The following HSPA9 variants were observed in gnomAD, a reference collection of about 807,000 sequenced individuals.
HSPA9 encodes stress-70 protein, mitochondrial.
A neutral mutation model predicts 81.5 loss-of-function variants in HSPA9; 28 were observed. The ratio of observed to expected loss-of-function variants is 0.34; its 90% confidence interval spans 0.25 to 0.47. The LOEUF is 0.47. Among genes scored for constraint, HSPA9 ranks in the 20% least tolerant of loss-of-function variants. The pLI, the probability that HSPA9 is intolerant of heterozygous loss-of-function variation, is 1.00. For missense variants in HSPA9, 678 were observed against 838.0 expected (o/e 0.81, Z 2.36); for synonymous variants, 293 against 290.4 (o/e 1.01, Z -0.09).
intron 3 of HSPA9, among the ~76,000 whole-genome samples, chr5:138,571,989 C>T (rs1319723555): frequency 1.1e-5 from 1 of 92,020 alleles, no homozygotes; most frequent in Non-Finnish European, 2.0e-5. Context: ...GACAGAGTCT[C>T]ACTGTCACCT....
chr5:138,567,572 CAA>C lies in HSPA9; in HGVS notation c.610-13_610-12del, dbSNP rs1750792878. ...AGCATCTTTAGTGGCCTAGAGAAAA[CAA>C]AGAGAAAAACATTTTTGTACCCTTC... On this transcript the variant is annotated splice_polypyrimidine_tract_variant and intron_variant, in intron 6 of 16. Transcript: ENST00000297185. 1 of 1,613,090 alleles carries C rather than the reference CAA, an allele frequency of 6.2e-7. No homozygotes were observed. Among genetic ancestry groups the C allele is most frequent in the South Asian group, 1.1e-5 (1 of 91,082 alleles).
intron 3 of HSPA9, among the ~76,000 whole-genome samples, 179 bp downstream of exon 3, chr5:138,573,583 GT>G (rs1318219846): frequency 2.9e-5 from 4 of 139,564 alleles, no homozygotes; most frequent in African/African-American, 1.1e-4. Context: ...GGAGGCAGAG[GT>G]TGCAGTGAGC....
Position 138,561,572 on chromosome 5 carries a change from G to C in HSPA9, c.1182+8C>G. ...CTCTCTCCACGACAGAATTCCACTG[G>C]TCCATACCTTGGGCATCCTAGTCAT... On this transcript the variant is annotated splice_region_variant and intron_variant, in intron 10 of 16. Coordinates refer to ENST00000297185, the MANE Select transcript of HSPA9 (RefSeq NM_004134.7). The C allele has an allele frequency of 6.2e-7, 1 of 1,609,350 alleles. No homozygotes were observed.
chr5:138,556,710 T>TA, intron 15 of HSPA9, 64 bp downstream of exon 15: 1 of 1,560,306 alleles, frequency 6.4e-7, no homozygotes, highest in Non-Finnish European at 8.8e-7. Context: ...CACAGAAAAA[T>TA]AAACTTCACT....
intron 1 of HSPA9, 58 bp downstream of exon 1, chr5:138,575,180 A>AGCCCGAG (rs951933782): frequency 4.9e-5 from 60 of 1,234,756 alleles, no homozygotes; most frequent in Middle Eastern, 4.6e-4. Context: ...GCCGCAGCGA[A>AGCCCGAG]GCCCGAGGCC....
chr5:138,560,344 T>C lies in HSPA9; in HGVS notation c.1183-253A>G, dbSNP rs140284305. On this transcript the variant is annotated intron_variant, in intron 10 of 16. Transcript: ENST00000297185. ...TGGGAAGGATTCTCCTAAGTTTTAT[T>C]ATCTGCTTTCCTACACAACACATTA... Among the ~76,000 whole-genome samples the C allele has an allele frequency of 4.0e-3, 607 of 152,326 alleles. 4 individuals carry two copies. The highest frequency in any genetic ancestry group is 0.013 in the African/African-American group (556 of 41,572).
In HSPA9 at chr5:138,571,079, A is replaced by T; in HGVS notation, c.291T>A (p.Gly97=). ...TGGCCGGCATTCCAACAAGTCGCTC[A>T]CCATCTGCTGTAAAGGCCACAACTG... The part of the protein sequence containing the change: ...TPSVVAFTAD[G]ERLVGMPAKR... The change falls in exon 4 of 17, where the codon GGT becomes GGA. Residue 97 remains glycine, a synonymous_variant. Coordinates refer to ENST00000297185, the MANE Select transcript of HSPA9 (RefSeq NM_004134.7). 6.2e-7 allele frequency: 1 copy of T among 1,614,118 alleles called. No individual in the cohort carries two copies. The highest frequency in any genetic ancestry group is 8.5e-7 in the Non-Finnish European group (1 of 1,180,032).
At chr5:138,569,431 C>T (rs1750830962) in intron 4 of HSPA9, among the ~76,000 whole-genome samples, 1 of 152,166 alleles carries the variant, frequency 6.6e-6, no homozygotes, top group South Asian at 2.1e-4. Context: ...AAAACTTGTA[C>T]ACAAATGTTT....
At position 138,555,973 on chromosome 5, in the gene HSPA9, C is replaced by T. The variant is rs1750509492; in HGVS notation, c.*64G>A. On this transcript the variant is annotated 3_prime_UTR_variant, in exon 17 of 17. Transcript: ENST00000297185. ...AGACTGAAGTTCGCCCATTTCTGCT[C>T]AGGAAGTCTCTTCACTCCTAAGCTT... 5 of 1,157,026 alleles carry T rather than the reference C, an allele frequency of 4.3e-6. No individual in the cohort carries two copies. Among genetic ancestry groups the T allele is most frequent in the Non-Finnish European group, 6.5e-6 (5 of 766,046 alleles). The allele number at this position is 1,157,026 out of a possible 1,614,324, so 71.7% of individuals were successfully genotyped here. A position where few individuals can be genotyped will look rare whatever the true frequency, so the allele number is the denominator to read the frequency against.
In HSPA9 at chr5:138,573,759, T is replaced by C; in HGVS notation, c.228+4A>G. On this transcript the variant is annotated splice_donor_region_variant and intron_variant, in intron 3 of 16. Coordinates refer to ENST00000297185, the MANE Select transcript of HSPA9 (RefSeq NM_004134.7). ...ATAAGGTACTAGTTATCAATCATGC[T>C]CACCTTTGCTTGTTTACCTTCCATA... is the stretch of plus-strand genomic sequence containing the variant. 6.3e-7 allele frequency: 1 copy of C among 1,577,180 alleles called. No homozygotes were observed. The highest frequency in any genetic ancestry group is 8.7e-7 in the Non-Finnish European group (1 of 1,150,496).
At chr5:138,564,613 G>C (rs980989773) in intron 9 of HSPA9, among the ~76,000 whole-genome samples, 2 of 152,188 alleles carry the variant, frequency 1.3e-5, no homozygotes, top group Non-Finnish European at 2.9e-5. Context: ...ATTTTGCCCA[G>C]GCTGGTCCCC....
intron 9 of HSPA9, 143 bp from the exon 10 acceptor site, chr5:138,561,932 T>C: frequency 2.8e-6 from 2 of 705,744 alleles, no homozygotes; most frequent in East Asian, 5.4e-5. Flanking sequence ...AAATGAATAG[T>C]CACCAAGAAT....
intron 14 of HSPA9, chr5:138,557,088 A>AG: frequency 1.6e-6 from 1 of 614,998 alleles, no homozygotes. Context: ...AAGAAATAAT[A>AG]AAGGCACTGC....
intron 1 of HSPA9, 48 bp downstream of exon 1, chr5:138,575,190 C>G: frequency 7.3e-7 from 1 of 1,364,122 alleles, no homozygotes; most frequent in Middle Eastern, 2.1e-4. Context: ...AGCCCGAGGC[C>G]CAAGGCCCGA....
chr5:138,566,553 A>C (rs1348617151), intron 9 of HSPA9, 73 bp downstream of exon 9: 1 of 1,099,836 alleles, frequency 9.1e-7, no homozygotes, highest in Non-Finnish European at 1.4e-6. Flanking sequence ...GGCCAATTAG[A>C]AAATACTATT....
At chr5:138,561,316 A>G (rs1750654936) in intron 10 of HSPA9, among the ~76,000 whole-genome samples, 1 of 152,058 alleles carries the variant, frequency 6.6e-6, no homozygotes, top group African/African-American at 2.4e-5. Context: ...ACATACATAC[A>G]TACATATATA....
chr5:138,573,967 TAC>T, intron 2 of HSPA9, 99 bp downstream of exon 2: 5 of 1,244,948 alleles, frequency 4.0e-6, no homozygotes, highest in South Asian at 1.2e-5. Context: ...TCTAAATAAA[TAC>T]AGATAAATAA....
At chr5:138,563,703 C>CCCAA (rs1365990600) in intron 9 of HSPA9, among the ~76,000 whole-genome samples, 31 of 152,210 alleles carry the variant, frequency 2.0e-4, no homozygotes, top group African/African-American at 6.8e-4. Flanking sequence ...AAGCCTCTAG[C>CCCAA]CCAAGGGTAT....
chr5:138,555,759 A>C lies in HSPA9; in HGVS notation c.*278T>G, dbSNP rs1750506213. ...ATGGTCACTTCAGCATAAAATAGTT[A>C]AATCTTTATAATGATCAATTCATCC... On this transcript the variant is annotated 3_prime_UTR_variant, in exon 17 of 17. Coordinates refer to ENST00000297185, the MANE Select transcript of HSPA9 (RefSeq NM_004134.7). The C allele has an allele frequency of 4.2e-6, 2 of 474,410 alleles. No individual in the cohort carries two copies. The highest frequency in any genetic ancestry group is 3.4e-5 in the Admixed American group (1 of 29,578). 29.4% of individuals were successfully genotyped at this position (474,410 alleles called of 1,614,324 possible). A position where few individuals can be genotyped will look rare whatever the true frequency, so the allele number is the denominator to read the frequency against.
Sources: allele counts gnomAD v4.1 joint callset (sites outside exome capture counted in the v4.1 genomes callset), GRCh38; gene constraint gnomAD v4.1.1; transcripts MANE v1.5; gene names NCBI Gene and HGNC (gene_info 2026-07-23, HGNC 2026-07-21).